Variants in TRPA1 observed in about 807,000 individuals in gnomAD.
The protein encoded by TRPA1 is transient receptor potential cation channel subfamily A member 1.
Under a neutral mutation model 131.3 loss-of-function variants are expected in TRPA1, and 129 were observed. The observed-to-expected ratio is 0.98, with a 90% CI of 0.85 to 1.14. The LOEUF (loss-of-function observed/expected upper bound fraction) is 1.14, where lower values mean the gene tolerates loss of function less well. TRPA1 is among the 50% of genes most tolerant of loss of function. The pLI, the probability that TRPA1 is intolerant of heterozygous loss-of-function variation, is 0.00. For synonymous variants in TRPA1, 441 were observed against 451.7 expected (o/e 0.98, Z 0.30); for missense variants, 1,304 against 1,354.2 (o/e 0.96, Z 0.58).
At chr8:72,065,715 T>C (rs908523291) in intron 3 of TRPA1, among the ~76,000 whole-genome samples, 157 bp from the exon 4 acceptor site, 4 of 152,204 alleles carry the variant, frequency 2.6e-5, no homozygotes, top group Non-Finnish European at 4.4e-5. Context: ...TCTTGCACAT[T>C]GTGGGTACTA....
chr8:72,081,195 A>G, the TRPA1 span, among the ~76,000 whole-genome samples: 5 of 151,844 alleles, frequency 3.3e-5, no homozygotes, highest in Non-Finnish European at 7.4e-5. Context: ...CAGTAGCTGC[A>G]TTTCATAAAT....
Position 72,038,020 on chromosome 8 carries a change from A to G in TRPA1, c.2348T>C (p.Phe783Ser). The stretch of plus-strand genomic sequence containing the variant: ...TTGCCCCGCTTCTTTGCAATACCCA[A>G]ATATACTTGATAAAAACACTAAAAT... The part of the protein sequence containing the change: ...CMILVFLSSI[F>S]GYCKEAGQIF... The change falls in exon 20 of 27, where the codon TTT becomes TCT. Residue 783 changes from phenylalanine to serine, a missense_variant. By Grantham distance (155) the Phe-to-Ser change is radical. Transcript: ENST00000262209. 1.2e-6 allele frequency: 2 copies of G among 1,602,820 alleles called. No homozygotes were observed. The highest frequency in any genetic ancestry group is 1.7e-6 in the Non-Finnish European group (2 of 1,170,838).
At chr8:72,072,663 C>T (rs1194169828) in intron 1 of TRPA1, among the ~76,000 whole-genome samples, 1 of 152,158 alleles carries the variant, frequency 6.6e-6, no homozygotes, top group African/African-American at 2.4e-5. Flanking sequence ...ATGTCTCATC[C>T]TATCAAAGAA....
In TRPA1 at chr8:72,042,023, C is replaced by A. The variant is rs188184695; in HGVS notation, c.2062-2226G>T. The stretch of plus-strand genomic sequence containing the variant: ...TCGACTATGACACCAACAGGACAGG[C>A]AACTAAAGCAAAAGCAGACAAACAG... On this transcript the variant is annotated intron_variant, in intron 17 of 26. Transcript: ENST00000262209. Among the ~76,000 whole-genome samples, 149 of 151,794 alleles carry A rather than the reference C, an allele frequency of 9.8e-4. 2 individuals are homozygous for A. The highest frequency in any genetic ancestry group is 8.6e-4 in the Non-Finnish European group (58 of 67,792).
At chr8:72,077,155 G>A (rs529539928), upstream of TRPA1, among the ~76,000 whole-genome samples, 2 of 152,092 alleles carry the variant, frequency 1.3e-5, no homozygotes, top group Non-Finnish European at 2.9e-5. Flanking sequence ...CACTTAGCTG[G>A]AAAGGGTCAC....
upstream of TRPA1, among the ~76,000 whole-genome samples, chr8:72,079,359 A>G (rs1365382630): frequency 2.0e-5 from 3 of 151,964 alleles, no homozygotes; most frequent in Non-Finnish European, 2.9e-5. Flanking sequence ...GCTCTTAACT[A>G]GATCAATTTT....
At position 72,071,871 on chromosome 8, in the gene TRPA1, G is replaced by T. The variant is rs1314118167; in HGVS notation, c.112-4C>A. On this transcript the variant is annotated splice_region_variant and splice_polypyrimidine_tract_variant and intron_variant, in intron 1 of 26. Transcript: ENST00000262209. ...ATGCACTTCCTTCAAAAACCACCTA[G>T]AGGTATTTAAACACCATTATACCAA... The T allele has an allele frequency of 9.9e-6, 16 of 1,610,982 alleles. No homozygotes were observed. Among genetic ancestry groups the T allele is most frequent in the African/African-American group, 1.3e-5 (1 of 74,784 alleles).
chr8:72,059,280 T>C, intron 8 of TRPA1, 110 bp downstream of exon 8: 1 of 748,572 alleles, frequency 1.3e-6, no homozygotes, highest in Non-Finnish European at 2.2e-6. Flanking sequence ...TTTTTGCTGA[T>C]AAGCAAGAAA....
At chr8:72,035,219 G>C (rs1026741317) in intron 21 of TRPA1, among the ~76,000 whole-genome samples, 1 of 152,208 alleles carries the variant, frequency 6.6e-6, no homozygotes, top group African/African-American at 2.4e-5. Flanking sequence ...AAAGCTGAAA[G>C]GGACTTCAGC....
chr8:72,042,494 A>C (rs1812289327), intron 17 of TRPA1, among the ~76,000 whole-genome samples: 1 of 151,922 alleles, frequency 6.6e-6, no homozygotes, highest in Non-Finnish European at 1.5e-5. Flanking sequence ...TCATTATGGA[A>C]AACAGTATTG....
chr8:72,065,134 C>A (rs1394777999), intron 4 of TRPA1, among the ~76,000 whole-genome samples: 1 of 152,102 alleles, frequency 6.6e-6, no homozygotes. Flanking sequence ...AACATCCAGG[C>A]CATTATACTT....
chr8:72,085,965 A>C, the TRPA1 span, among the ~76,000 whole-genome samples: 2 of 152,140 alleles, frequency 1.3e-5, no homozygotes, highest in South Asian at 4.1e-4. Flanking sequence ...CAATGGTGTG[A>C]TCTTGGCTCA....
intron 19 of TRPA1, 157 bp downstream of exon 19, chr8:72,038,708 A>G: frequency 1.5e-6 from 1 of 660,162 alleles, no homozygotes; most frequent in Non-Finnish European, 2.5e-6. Context: ...CTCTCCTTCC[A>G]CAAAGGATTT....
At chr8:72,060,874 T>C (rs1457625754) in intron 7 of TRPA1, among the ~76,000 whole-genome samples, 1 of 146,368 alleles carries the variant, frequency 6.8e-6, no homozygotes, top group African/African-American at 2.6e-5. Context: ...TTTTTTTTTT[T>C]CTAAGAGATA....
intron 23 of TRPA1, among the ~76,000 whole-genome samples, chr8:72,031,805 C>T (rs956667007): frequency 6.6e-6 from 1 of 151,986 alleles, no homozygotes; most frequent in Non-Finnish European, 1.5e-5. Flanking sequence ...TATTTTAAGT[C>T]CCTTGTATTA....
At chr8:72,085,637 C>T in the TRPA1 span, among the ~76,000 whole-genome samples, 1 of 151,648 alleles carries the variant, frequency 6.6e-6, no homozygotes, top group Non-Finnish European at 1.5e-5. Context: ...CAACGTTTAT[C>T]TGTACTTTTT....
chr8:72,058,188 A>G (rs1805720979), intron 8 of TRPA1, among the ~76,000 whole-genome samples: 2 of 152,164 alleles, frequency 1.3e-5, no homozygotes, highest in African/African-American at 4.8e-5. Flanking sequence ...TCCCAAATTC[A>G]TTACATATAT....
chr8:72,042,482 A>ATGTAAAATGTAAAATGTAAAAT (rs770323397), intron 17 of TRPA1, among the ~76,000 whole-genome samples: 25 of 152,032 alleles, frequency 1.6e-4, no homozygotes, highest in Non-Finnish European at 2.9e-4. Context: ...AAAATGGAAC[A>ATGTAAAATGTAAAATGTAAAAT]GTCATTATGG....
chr8:72,054,055 A>G (rs1197590197), intron 12 of TRPA1, 188 bp from the exon 13 acceptor site: 2 of 599,314 alleles, frequency 3.3e-6, no homozygotes, highest in African/African-American at 1.9e-5. Flanking sequence ...TAAATGACCT[A>G]TTTCTAATGT....
Sources: allele counts gnomAD v4.1 joint callset (sites outside exome capture counted in the v4.1 genomes callset), GRCh38; gene constraint gnomAD v4.1.1; transcripts MANE v1.5; gene names NCBI Gene and HGNC (gene_info 2026-07-23, HGNC 2026-07-21).